FMNL2: variants seen among roughly 807,000 people sequenced by gnomAD.
FMNL2 encodes the protein formin-like protein 2.
A neutral mutation model predicts 130.2 loss-of-function variants in FMNL2; 51 were observed. The ratio of observed to expected loss-of-function variants is 0.39; its 90% CI spans 0.31 to 0.49. FMNL2 has a LOEUF of 0.49. FMNL2 is among the 20% of genes least tolerant of loss of function. FMNL2 has a pLI of 0.85. For synonymous variants in FMNL2, 465 were observed against 467.1 expected (o/e 1.00, Z 0.06); for missense variants, 977 against 1,316.2 (o/e 0.74, Z 3.99).
chr2:152,580,936 T>C lies in FMNL2; in HGVS notation c.783-20T>C. 6.2e-7 allele frequency: 1 copy of C among 1,609,790 alleles called. No homozygotes were observed. Among genetic ancestry groups the C allele is most frequent in the South Asian group, 1.1e-5 (1 of 90,464 alleles). ...TGCCATTTTCACTGATTTGTGTTTTTCTTCTTCTTGTTTTGGCAGAACAAA... is the reference window on the plus strand; with the variant it reads ...TGCCATTTTCACTGATTTGTGTTTTCCTTCTTCTTGTTTTGGCAGAACAAA... On this transcript the variant is annotated intron_variant, in intron 8 of 25. Transcript: ENST00000288670.
intron 1 of FMNL2, among the ~76,000 whole-genome samples, chr2:152,351,195 T>C (rs1482226863): frequency 6.6e-6 from 1 of 152,210 alleles, no homozygotes; most frequent in African/African-American, 2.4e-5. Flanking sequence ...AATTATTATT[T>C]CTTTTAAATT....
At chr2:152,446,842 G>T (rs79705932) in intron 1 of FMNL2, among the ~76,000 whole-genome samples, 1 of 152,072 alleles carries the variant, frequency 6.6e-6, no homozygotes, top group Non-Finnish European at 1.5e-5. Flanking sequence ...TTAACAGTTC[G>T]CAACACAACT....
intron 8 of FMNL2, among the ~76,000 whole-genome samples, chr2:152,579,466 G>C (rs747412383): frequency 1.3e-5 from 2 of 152,174 alleles, no homozygotes; most frequent in African/African-American, 2.4e-5. Context: ...GGGAGGCCGA[G>C]GCAGGCAGAT....
At chr2:152,534,452 G>A (rs1173107631) in intron 2 of FMNL2, among the ~76,000 whole-genome samples, 2 of 152,014 alleles carry the variant, frequency 1.3e-5, no homozygotes, top group Non-Finnish European at 2.9e-5. Context: ...AGTCAGAAAA[G>A]CAATTCTTAA....
intron 1 of FMNL2, among the ~76,000 whole-genome samples, chr2:152,367,807 A>AAGCT (rs1683645627): frequency 6.6e-6 from 1 of 152,204 alleles, no homozygotes; most frequent in South Asian, 2.1e-4. Context: ...CTCTTTGGGC[A>AAGCT]AGCTTCCTCA....
At chr2:152,495,124 A>G (rs917828978) in intron 1 of FMNL2, among the ~76,000 whole-genome samples, 1 of 152,188 alleles carries the variant, frequency 6.6e-6, no homozygotes, top group African/African-American at 2.4e-5. Context: ...TATTCTATAT[A>G]TTACAAAGCC....
intron 10 of FMNL2, 89 bp downstream of exon 10, chr2:152,607,502 C>T: frequency 1.2e-6 from 1 of 848,540 alleles, no homozygotes; most frequent in Admixed American, 2.4e-5. Context: ...CACACACACA[C>T]ACACATATTT....
intron 9 of FMNL2, among the ~76,000 whole-genome samples, chr2:152,585,510 G>A (rs996043483): frequency 2.0e-5 from 3 of 152,294 alleles, no homozygotes; most frequent in East Asian, 3.9e-4. Flanking sequence ...AGGGTTGATC[G>A]AAAAGATGTT....
intron 1 of FMNL2, among the ~76,000 whole-genome samples, chr2:152,443,497 C>A (rs1198768613): frequency 6.6e-6 from 1 of 152,054 alleles, no homozygotes; most frequent in Non-Finnish European, 1.5e-5. Context: ...GGTCACAACA[C>A]CAGAAGTGTA....
chr2:152,491,157 T>C (rs1192738731), intron 1 of FMNL2, among the ~76,000 whole-genome samples: 1 of 152,174 alleles, frequency 6.6e-6, no homozygotes, highest in South Asian at 2.1e-4. Context: ...CCCATTGTTA[T>C]GTGAAAAAAG....
chr2:152,388,372 G>T lies in FMNL2; in HGVS notation c.117+52652G>T, dbSNP rs539846439. Among the ~76,000 whole-genome samples the T allele has an allele frequency of 2.9e-4, 44 of 152,268 alleles. No homozygotes were observed. In the East Asian group the frequency reaches 6.0e-3, roughly 21 times the overall value. ...GCCTCAGGAAATTTACAATCATGGTGGAAGGGGAAGCAAACGCGTCCTTCT... is the reference window on the plus strand; with the variant it reads ...GCCTCAGGAAATTTACAATCATGGTTGAAGGGGAAGCAAACGCGTCCTTCT... On this transcript the variant is annotated intron_variant, in intron 1 of 25. Coordinates refer to ENST00000288670, the MANE Select transcript of FMNL2 (RefSeq NM_052905.4).
At chr2:152,637,006 A>G (rs898362809) in intron 22 of FMNL2, among the ~76,000 whole-genome samples, 4 of 152,180 alleles carry the variant, frequency 2.6e-5, no homozygotes, top group Non-Finnish European at 5.9e-5. Context: ...AACAGAATGA[A>G]CAGTACGCTA....
rs750032234 is a variant in FMNL2, at chr2:152,542,822, A to G, written c.282+3A>G. On this transcript the variant is annotated splice_donor_region_variant and intron_variant, in intron 3 of 25. Coordinates refer to ENST00000288670, the MANE Select transcript of FMNL2 (RefSeq NM_052905.4). ...TGGATCCAGCTGTAACCAGGAAGGT[A>G]AGATGGATTTGTTTCCACTCTTTGT... 4 of 1,613,710 alleles carry G rather than the reference A, an allele frequency of 2.5e-6. No homozygotes were observed. The South Asian group carries it at 3.3e-5, about 13-fold the overall frequency.
chr2:152,513,154 A>G (rs1259180597), intron 1 of FMNL2, among the ~76,000 whole-genome samples: 1 of 152,186 alleles, frequency 6.6e-6, no homozygotes, highest in Non-Finnish European at 1.5e-5. Context: ...AACAATGGAG[A>G]CAGGTTCTGA....
At chr2:152,543,932 G>A (rs866286123) in intron 3 of FMNL2, among the ~76,000 whole-genome samples, 1 of 152,018 alleles carries the variant, frequency 6.6e-6, no homozygotes, top group Non-Finnish European at 1.5e-5. Context: ...ATCCAGGAAC[G>A]TACCTGTCAA....
Position 152,648,000 on chromosome 2 carries a change from C to A in FMNL2, c.*95C>A. On this transcript the variant is annotated 3_prime_UTR_variant, in exon 26 of 26. Transcript: ENST00000288670. ...CGATTTAACTGCAGCCTTGAACACA[C>A]ACAAAAATATTCTTAAGGGCTCAGA... 9.6e-7 allele frequency: 1 copy of A among 1,039,972 alleles called. No homozygotes were observed. Among genetic ancestry groups the A allele is most frequent in the Non-Finnish European group, 1.4e-6 (1 of 713,828 alleles). The allele number at this position is 1,039,972 out of a possible 1,614,324, so 64.4% of individuals were successfully genotyped here.
intron 1 of FMNL2, among the ~76,000 whole-genome samples, chr2:152,500,550 G>T (rs970207718): frequency 6.6e-5 from 10 of 152,114 alleles, no homozygotes; most frequent in Non-Finnish European, 1.3e-4. Flanking sequence ...TCCTAACAAT[G>T]CCTTAAAATG....
chr2:152,540,245 G>A (rs901048687), intron 2 of FMNL2, among the ~76,000 whole-genome samples: 4 of 152,144 alleles, frequency 2.6e-5, no homozygotes, highest in African/African-American at 9.6e-5. Flanking sequence ...TGAGCTTCTT[G>A]TGATTATTTT....
chr2:152,337,554 T>C (rs941932085), intron 1 of FMNL2, among the ~76,000 whole-genome samples: 4 of 152,112 alleles, frequency 2.6e-5, no homozygotes, highest in African/African-American at 9.7e-5. Flanking sequence ...TCATTTACCC[T>C]GCTGATTAAT....
Sources: gnomAD v4.1 joint callset for allele counts (sites outside exome capture counted in the v4.1 genomes callset) on GRCh38, gnomAD v4.1.1 for gene constraint, MANE v1.5 for transcripts, NCBI Gene and HGNC (gene_info 2026-07-23, HGNC 2026-07-21) for gene names.